The following DTX4 variants were observed in gnomAD, a reference collection of about 807,000 sequenced individuals.
DTX4 encodes deltex E3 ubiquitin ligase 4.
In DTX4, 28 loss-of-function variants were observed where a neutral mutation model predicts 57.6. The observed-to-expected ratio is 0.49, with a 90% CI of 0.36 to 0.67. The LOEUF is 0.67. Ranked by LOEUF, DTX4 falls within the 30% of genes least tolerant of loss-of-function variation. The probability of loss-of-function intolerance (pLI) is 0.00; values close to 1 mark genes in which losing one functional copy is unlikely to be tolerated. For missense variants in DTX4, 715 were observed against 836.8 expected (o/e 0.85, Z 1.80); for synonymous variants, 316 against 331.0 (o/e 0.95, Z 0.49).
intron 6 of DTX4, among the ~76,000 whole-genome samples, chr11:59,194,045 C>T (rs535193103): frequency 4.7e-4 from 72 of 152,268 alleles, no homozygotes; most frequent in Non-Finnish European, 6.9e-4. Context: ...CAGGCAGCAC[C>T]TCACCAGGTC....
chr11:59,191,471 G>T (rs1862598186), intron 5 of DTX4, among the ~76,000 whole-genome samples: 1 of 152,210 alleles, frequency 6.6e-6, no homozygotes, highest in African/African-American at 2.4e-5. Context: ...CCTTAAAATG[G>T]GTTTGATACA....
Position 59,182,416 on chromosome 11 carries a change from C to G in DTX4, c.889C>G (p.Leu297Val). The G allele has an allele frequency of 1.2e-6, 2 of 1,612,944 alleles. No homozygotes were observed. Among genetic ancestry groups the G allele is most frequent in the South Asian group, 1.1e-5 (1 of 90,934 alleles). ...CCTGGCCACCTTGAATCGTACCAAC[C>G]TGCAGCGACTGGCCATTGCCCAGTC... The part of the protein sequence containing the change: ...VALATLNRTN[L>V]QRLAIAQSRV... Residue 297 changes from leucine to valine, a missense_variant, in exon 2 of 9, where the codon CTG becomes GTG. Transcript: ENST00000227451.
In DTX4 at chr11:59,189,327, C is replaced by G. The variant is rs1185145965; in HGVS notation, c.1159+4C>G. ...ACCAAAAAACAAGCCAAGAAAGGTA[C>G]CAGCCTCTTGTCTCGTGGGGTACTG... On this transcript the variant is annotated splice_donor_region_variant and intron_variant, in intron 4 of 8. Transcript: ENST00000227451. 1.4e-5 allele frequency: 21 copies of G among 1,538,180 alleles called. No homozygotes were observed. In the East Asian group the frequency reaches 4.9e-4, roughly 36 times the overall value.
chr11:59,176,464 A>G (rs963754637), intron 1 of DTX4, among the ~76,000 whole-genome samples: 6 of 152,252 alleles, frequency 3.9e-5, no homozygotes, highest in African/African-American at 1.4e-4. Context: ...TACATTCAGT[A>G]AATAGTTATG....
chr11:59,175,590 T>A lies in DTX4; in HGVS notation c.211+2784T>A, dbSNP rs181376812. Among the ~76,000 whole-genome samples, 24 of 152,286 alleles carry A rather than the reference T, an allele frequency of 1.6e-4. No homozygotes were observed. The East Asian group carries it at 4.6e-3, about 29-fold the overall frequency. ...AGAGAATCTGGAATAAGGGTAGAGA[T>A]GGGGTGAGATAGATGGGACTGGCTC... On this transcript the variant is annotated intron_variant, in intron 1 of 8. Coordinates refer to ENST00000227451, the MANE Select transcript of DTX4 (RefSeq NM_015177.2).
At chr11:59,192,297 T>G (rs1404679190) in intron 6 of DTX4, 47 bp downstream of exon 6, 16 of 1,607,408 alleles carry the variant, frequency 1.0e-5, no homozygotes, top group Non-Finnish European at 1.4e-5. Context: ...CACTGGGCTC[T>G]GGAGTAGCAA....
chr11:59,182,466 A>G lies in DTX4; in HGVS notation c.935+4A>G. Reference sequence around the variant, plus strand: ...CCCGGGTGCTGATCGCCTCTGGGTAAGTGCTTCCACAGCTGCCTCAGAGCA... The same window carrying G: ...CCCGGGTGCTGATCGCCTCTGGGTAGGTGCTTCCACAGCTGCCTCAGAGCA... On this transcript the variant is annotated splice_donor_region_variant and intron_variant, in intron 2 of 8. Coordinates refer to ENST00000227451, the MANE Select transcript of DTX4 (RefSeq NM_015177.2). 6.3e-7 allele frequency: 1 copy of G among 1,592,784 alleles called. No individual in the cohort carries two copies. Among genetic ancestry groups the G allele is most frequent in the Admixed American group, 1.7e-5 (1 of 57,664 alleles).
rs2135525688 is a variant in DTX4, at chr11:59,199,782, GGAA to G, written c.1626+11_1626+13del. 2 of 1,555,272 alleles carry G rather than the reference GGAA, an allele frequency of 1.3e-6. No homozygotes were observed. Among genetic ancestry groups the G allele is most frequent in the South Asian group, 2.4e-5 (2 of 84,178 alleles). ...GCGAGAAAGGGAGAAAAGTAAGACC[GGAA>G]GTTTCCACATAGAACTAGGTTTTAG... On this transcript the variant is annotated intron_variant, in intron 8 of 8. Coordinates refer to ENST00000227451, the MANE Select transcript of DTX4 (RefSeq NM_015177.2).
rs369788862 is a variant in DTX4 at position 59,192,147 on chromosome 11, G to T, written c.1271G>T (p.Gly424Val). The T allele has an allele frequency of 8.1e-6, 13 of 1,613,782 alleles. No individual in the cohort carries two copies. The highest frequency in any genetic ancestry group is 1.3e-5 in the African/African-American group (1 of 74,922). ...CTCACGGCCCCCTCAGGCTACAAGG[G>T]CCCGCAGCCTACGGTAAAACCTGAC... Reference protein sequence around the residue: ...ERLTAPSGYKGPQPTVKPDLV... With the variant: ...ERLTAPSGYKVPQPTVKPDLV... Residue 424 changes from glycine to valine, a missense_variant, in exon 6 of 9, where the codon GGC (glycine) becomes GTC (valine). Gly to Val is a moderately radical substitution (Grantham distance 109). Transcript: ENST00000227451.
intron 2 of DTX4, among the ~76,000 whole-genome samples, chr11:59,187,275 A>T (rs930864238): frequency 1.1e-4 from 17 of 152,354 alleles, no homozygotes; most frequent in Admixed American, 1.0e-3. Context: ...GTGTGATCTT[A>T]CCAAGTTTCC....
chr11:59,175,489 C>T (rs1460505101), intron 1 of DTX4, among the ~76,000 whole-genome samples: 2 of 152,142 alleles, frequency 1.3e-5, no homozygotes, highest in Non-Finnish European at 2.9e-5. Context: ...GCCCTGGGCC[C>T]TTCTCCTTCC....
chr11:59,199,704 TG>T lies in DTX4; in HGVS notation c.1560del (p.Lys521ArgfsTer24). Reference sequence around the variant, plus strand: ...TTCAGGGACCGGAACACCCGAATCCTGGGAAGAGTTTCAGCGCCCGAGGCTT... The same window carrying T: ...TTCAGGGACCGGAACACCCGAATCCTGGAAGAGTTTCAGCGCCCGAGGCTT... Reference protein sequence around the residue: ...GIQGPEHPNPGKSFSARGFPR... With the variant: ...GIQGPEHPNPXKSFSARGFPR... On this transcript the variant is annotated frameshift_variant, in exon 8 of 9. Transcript: ENST00000227451. LOFTEE classifies it high-confidence loss of function. 1 of 1,577,472 alleles carries T rather than the reference TG, an allele frequency of 6.3e-7. No homozygotes were observed. Among genetic ancestry groups the T allele is most frequent in the South Asian group, 1.2e-5 (1 of 85,468 alleles).
chr11:59,185,916 G>A (rs906399866), intron 2 of DTX4, among the ~76,000 whole-genome samples: 1 of 152,100 alleles, frequency 6.6e-6, no homozygotes, highest in African/African-American at 2.4e-5. Flanking sequence ...CCCTGTTCAC[G>A]GCTGTGGTAA....
intron 7 of DTX4, among the ~76,000 whole-genome samples, chr11:59,197,174 G>A (rs1862682726): frequency 6.6e-6 from 1 of 152,174 alleles, no homozygotes; most frequent in Non-Finnish European, 1.5e-5. Flanking sequence ...TCAATACCTG[G>A]TCGTCAACAT....
chr11:59,200,637 G>T (rs1282182824), intron 8 of DTX4, among the ~76,000 whole-genome samples: 1 of 152,176 alleles, frequency 6.6e-6, no homozygotes, highest in East Asian at 1.9e-4. Context: ...TCCCAAAAGG[G>T]CAGAGAAAAC....
At chr11:59,201,165 G>A (rs1344866385) in intron 8 of DTX4, among the ~76,000 whole-genome samples, 1 of 152,176 alleles carries the variant, frequency 6.6e-6, no homozygotes, top group African/African-American at 2.4e-5. Context: ...ATGGTAGAAG[G>A]GGCAAGGGGT....
chr11:59,196,634 AC>A lies in DTX4; in HGVS notation c.1536+1267del, dbSNP rs552169754. Among the ~76,000 whole-genome samples, 15 of 152,298 alleles carry A rather than the reference AC, an allele frequency of 9.8e-5. 1 individual carries two copies. In the South Asian group the frequency reaches 2.7e-3, roughly 27 times the overall value. On this transcript the variant is annotated intron_variant, in intron 7 of 8. Transcript: ENST00000227451. ...GGTGAGTGATGGGTGAGCCAGTAAT[AC>A]CACCTGTGCTCTGCCTCCTGCCAGA...
chr11:59,198,218 G>A (rs1179459729), intron 7 of DTX4, among the ~76,000 whole-genome samples: 1 of 152,164 alleles, frequency 6.6e-6, no homozygotes, highest in African/African-American at 2.4e-5. Flanking sequence ...GCAACGAGCT[G>A]GGAGGGCACA....
Position 59,181,990 on chromosome 11 carries a change from C to T in DTX4, c.463C>T (p.Arg155Trp), listed in dbSNP as rs761109323. ...RQTQRQRRVR[R>W]RLDLIYPMVT... ...GACCCAGCGCCAACGCCGCGTCCGC[C>T]GGCGCCTCGACCTCATCTACCCCAT... The change falls in exon 2 of 9, where the codon CGG (arginine) becomes TGG (tryptophan). Residue 155 changes from arginine (R) to tryptophan (W), a missense_variant. Coordinates refer to ENST00000227451, the MANE Select transcript of DTX4 (RefSeq NM_015177.2). 2.4e-5 allele frequency: 38 copies of T among 1,613,834 alleles called. No homozygotes were observed. The highest frequency in any genetic ancestry group is 5.3e-5 in the African/African-American group (4 of 74,930).
Sources: allele counts gnomAD v4.1 joint callset (sites outside exome capture counted in the v4.1 genomes callset), GRCh38; gene constraint gnomAD v4.1.1; transcripts MANE v1.5; gene names NCBI Gene and HGNC (gene_info 2026-07-23, HGNC 2026-07-21).